VPS13B: variants seen among roughly 807,000 people sequenced by gnomAD.
VPS13B encodes intermembrane lipid transfer protein VPS13B.
In VPS13B, 285 loss-of-function variants were observed where a neutral mutation model predicts 426.4. The ratio of observed to expected loss-of-function variants is 0.67; its 90% confidence interval spans 0.61 to 0.74. The LOEUF is 0.74. VPS13B is among the 30% of genes least tolerant of loss of function. The pLI is 0.00. For missense variants in VPS13B, 4,537 were observed against 4,782.6 expected (o/e 0.95, Z 1.51); for synonymous variants, 1,676 against 1,676.4 (o/e 1.00, Z 0.01).
intron 44 of VPS13B, among the ~76,000 whole-genome samples, chr8:99,814,364 C>T (rs1043566323): frequency 6.6e-6 from 1 of 152,062 alleles, no homozygotes; most frequent in Non-Finnish European, 1.5e-5. Context: ...TTTCACATAA[C>T]GAGGAGGAAG....
intron 19 of VPS13B, among the ~76,000 whole-genome samples, chr8:99,368,175 A>G (rs1329953916): frequency 6.6e-6 from 1 of 152,212 alleles, no homozygotes; most frequent in Non-Finnish European, 1.5e-5. Context: ...AATGCTGAAG[A>G]AAGAGACATA....
chr8:99,393,552 A>G (rs73287863), intron 21 of VPS13B, among the ~76,000 whole-genome samples: 347 of 152,286 alleles, frequency 2.3e-3, no homozygotes, highest in African/African-American at 8.2e-3. Flanking sequence ...ACCATCAGAT[A>G]TCCTATAGAT....
chr8:99,446,331 T>C (rs1379051731), intron 23 of VPS13B, among the ~76,000 whole-genome samples: 1 of 152,170 alleles, frequency 6.6e-6, no homozygotes, highest in East Asian at 1.9e-4. Flanking sequence ...GACTCTTGCT[T>C]TTCATTGGCC....
chr8:99,446,495 A>ATT (rs1280100606), intron 23 of VPS13B, among the ~76,000 whole-genome samples: 1 of 151,956 alleles, frequency 6.6e-6, no homozygotes, highest in Admixed American at 6.6e-5. Flanking sequence ...CTATTCAGAT[A>ATT]TTGCCTTTAC....
chr8:99,275,335 A>ATTT, intron 19 of VPS13B, 81 bp downstream of exon 19: 11 of 937,600 alleles, frequency 1.2e-5, no homozygotes, highest in Non-Finnish European at 1.2e-5. Flanking sequence ...ATTGGTATAT[A>ATTT]TTTTTTTTTT....
At chr8:99,510,530 CCTCA>C (rs1821729708) in intron 28 of VPS13B, among the ~76,000 whole-genome samples, 1 of 152,094 alleles carries the variant, frequency 6.6e-6, no homozygotes, top group African/African-American at 2.4e-5. Context: ...TGAGACAGAG[CCTCA>C]CTTTGTTGCC....
chr8:99,863,751 T>C (rs1816955113), intron 58 of VPS13B, among the ~76,000 whole-genome samples: 1 of 152,238 alleles, frequency 6.6e-6, no homozygotes, highest in South Asian at 2.1e-4. Context: ...GTAGTCATTG[T>C]GTCTTGCATA....
intron 30 of VPS13B, among the ~76,000 whole-genome samples, chr8:99,551,155 A>G (rs1055527200): frequency 6.6e-5 from 10 of 152,030 alleles, no homozygotes; most frequent in African/African-American, 1.9e-4. Context: ...TTGTAGAGCT[A>G]TCAGTTTTTC....
intron 5 of VPS13B, among the ~76,000 whole-genome samples, chr8:99,110,393 G>A (rs1349445152): frequency 2.0e-5 from 3 of 151,842 alleles, no homozygotes; most frequent in Non-Finnish European, 2.9e-5. Flanking sequence ...ACCATCAATT[G>A]TTTTATTTTT....
chr8:99,751,789 G>A (rs1810409220), intron 39 of VPS13B, among the ~76,000 whole-genome samples: 1 of 152,178 alleles, frequency 6.6e-6, no homozygotes, highest in African/African-American at 2.4e-5. Flanking sequence ...TAGAAAACAT[G>A]AGAATGCTGG....
chr8:99,472,500 T>C (rs954191989), intron 24 of VPS13B, among the ~76,000 whole-genome samples: 4 of 147,694 alleles, frequency 2.7e-5, no homozygotes, highest in South Asian at 2.1e-4. Context: ...TTAGAAAATA[T>C]TGAATGACAC....
Position 99,511,225 on chromosome 8 carries a change from T to C in VPS13B, c.4346T>C (p.Phe1449Ser), listed in dbSNP as rs749131377. 5.6e-6 allele frequency: 9 copies of C among 1,613,988 alleles called. No individual in the cohort carries two copies. The highest frequency in any genetic ancestry group is 7.6e-6 in the Non-Finnish European group (9 of 1,180,000). Residue 1449 changes from phenylalanine to serine, a missense_variant, in exon 29 of 62, where the codon TTT (phenylalanine) becomes TCT (serine). Phe to Ser is a radical substitution (Grantham distance 155). This residue lies in a region of VPS13B where 4,311 missense variants were observed against 4,474.3 expected (regional missense o/e 0.96). Transcript: ENST00000357162. Reference sequence around the variant, plus strand: ...ACATCAAGAAATGAGCGAAGAAGTTTTCATAAGTTATCTGAAGGCCTAATG... The same window carrying C: ...ACATCAAGAAATGAGCGAAGAAGTTCTCATAAGTTATCTGAAGGCCTAATG... ...KLTSRNERRS[F>S]HKLSEGLMDG...
intron 21 of VPS13B, among the ~76,000 whole-genome samples, chr8:99,429,026 A>G (rs368228885): frequency 1.3e-5 from 2 of 152,210 alleles, no homozygotes; most frequent in East Asian, 3.9e-4. Context: ...AAACTAACGC[A>G]AGGACAAAAA....
In VPS13B at chr8:99,305,734, C is replaced by A. The variant is rs551346626; in HGVS notation, c.2824+30480C>A. Among the ~76,000 whole-genome samples, 6 of 152,138 alleles carry A rather than the reference C, an allele frequency of 3.9e-5. No individual in the cohort carries two copies. In the East Asian group the frequency reaches 1.2e-3, roughly 29 times the overall value. ...AACTAAAAATCTTTGGTAAAAGTTA[C>A]ATGATAAACCTGTCTTTAATGGGAG... On this transcript the variant is annotated intron_variant, in intron 19 of 61. Transcript: ENST00000357162.
chr8:99,211,069 C>T (rs913048359), intron 17 of VPS13B, among the ~76,000 whole-genome samples: 4 of 152,152 alleles, frequency 2.6e-5, no homozygotes, highest in African/African-American at 9.7e-5. Context: ...CCCACAAGCC[C>T]ATTGGATTTT....
intron 16 of VPS13B, among the ~76,000 whole-genome samples, chr8:99,190,849 A>G (rs1213920864): frequency 6.6e-6 from 1 of 151,870 alleles, no homozygotes; most frequent in Non-Finnish European, 1.5e-5. Context: ...TTTTTAAAAA[A>G]TTCACCCATA....
chr8:99,041,167 A>G (rs183519183), intron 3 of VPS13B, among the ~76,000 whole-genome samples: 2 of 152,300 alleles, frequency 1.3e-5, no homozygotes, highest in African/African-American at 2.4e-5. Flanking sequence ...GTCCATCTTG[A>G]TGTTTACTCT....
chr8:99,343,195 G>C (rs933385790), intron 19 of VPS13B, among the ~76,000 whole-genome samples: 3 of 151,928 alleles, frequency 2.0e-5, no homozygotes, highest in Non-Finnish European at 2.9e-5. Flanking sequence ...CCAGGTTCAA[G>C]TGATTTTCCT....
intron 3 of VPS13B, among the ~76,000 whole-genome samples, chr8:99,077,503 A>G (rs1401581986): frequency 6.6e-6 from 1 of 152,020 alleles, no homozygotes; most frequent in Non-Finnish European, 1.5e-5. Context: ...CTTTGCTGGA[A>G]ATAGTTTTCT....
Sources: gnomAD v4.1 joint callset for allele counts (sites outside exome capture counted in the v4.1 genomes callset) on GRCh38, gnomAD v4.1.1 for gene constraint, gnomAD v4.1.1 regional missense constraint, MANE v1.5 for transcripts, NCBI Gene and HGNC (gene_info 2026-07-23, HGNC 2026-07-21) for gene names.